The following FYB1 variants were observed in gnomAD, a reference collection of about 807,000 sequenced individuals.
The protein encoded by FYB1 is FYN-binding protein 1.
In FYB1, 41 loss-of-function variants were observed where a neutral mutation model predicts 94.1. The ratio of observed to expected loss-of-function variants is 0.44; its 90% CI spans 0.34 to 0.57. The LOEUF (loss-of-function observed/expected upper bound fraction) is 0.57, where lower values mean the gene tolerates loss of function less well. FYB1 is among the 20% of genes least tolerant of loss of function. The pLI is 0.02. For synonymous variants in FYB1, 367 were observed against 353.2 expected, an observed-to-expected ratio of 1.04 and a Z score of -0.44; for missense variants, 1,050 against 976.8, an observed-to-expected ratio of 1.07 and a Z score of -1.00.
rs184204866 is a variant in FYB1 at position 39,244,194 on chromosome 5, G to A, written c.-28+30209C>T. 7.7e-3 allele frequency among the ~76,000 whole-genome samples: 1,167 copies of A among 152,220 alleles called. 25 individuals are homozygous for A. Among genetic ancestry groups the A allele is most frequent in the African/African-American group, 0.027 (1,107 of 41,496 alleles). ...CAACACTATGTTGAATAGGACTGGTGAGAGAGGGCATCCCTGTCTTGTGCC... is the reference window on the plus strand; with the variant it reads ...CAACACTATGTTGAATAGGACTGGTAAGAGAGGGCATCCCTGTCTTGTGCC... On this transcript the variant is annotated intron_variant, in intron 1 of 1. Transcript: ENST00000510188.
At chr5:39,138,137 G>T (rs1026097259) in intron 6 of FYB1, 2 of 182,146 alleles carry the variant, frequency 1.1e-5, no homozygotes, top group Non-Finnish European at 2.3e-5. Context: ...GAAAATTAAG[G>T]TATCTGAGAT....
At chr5:39,110,265 G>T (rs573619383) in intron 17 of FYB1, 91 bp downstream of exon 17, 2 of 710,690 alleles carry the variant, frequency 2.8e-6, no homozygotes, top group South Asian at 4.2e-5. Flanking sequence ...AGTTGAGTAG[G>T]TTACATTATT....
chr5:39,121,965 A>G (rs1303391451), intron 14 of FYB1, among the ~76,000 whole-genome samples: 1 of 152,166 alleles, frequency 6.6e-6, no homozygotes, highest in Non-Finnish European at 1.5e-5. Flanking sequence ...AAGAGAGGAG[A>G]AGAATCAGTG....
At chr5:39,174,325 T>C (rs1157052856) in intron 2 of FYB1, among the ~76,000 whole-genome samples, 1 of 152,230 alleles carries the variant, frequency 6.6e-6, no homozygotes, top group Non-Finnish European at 1.5e-5. Flanking sequence ...ATATCACTTA[T>C]AGAACAAATG....
At position 39,212,294 on chromosome 5, in the gene FYB1, C is replaced by A. The variant is rs946074563; in HGVS notation, c.-28+7149G>T. On this transcript the variant is annotated intron_variant, in intron 1 of 18. Transcript: ENST00000512982. ...CTGTACTCTAGCCTGGGTGACAGAG[C>A]AAGACCTTGTCTCAAAAAAATAAAA... Among the ~76,000 whole-genome samples the A allele has an allele frequency of 7.9e-5, 12 of 151,756 alleles. No homozygotes were observed. The East Asian group carries it at 2.1e-3, about 27-fold the overall frequency.
intron 1 of FYB1, among the ~76,000 whole-genome samples, chr5:39,227,051 G>T (rs1750503340): frequency 6.6e-6 from 1 of 152,100 alleles, no homozygotes; most frequent in Non-Finnish European, 1.5e-5. Flanking sequence ...GCATAAATCT[G>T]GTCTTCAGAC....
chr5:39,139,548 G>A (rs1235753773), intron 4 of FYB1: 2 of 184,286 alleles, frequency 1.1e-5, no homozygotes, highest in Non-Finnish European at 2.2e-5. Flanking sequence ...TGTCCATTTG[G>A]TTTTCTGGGC....
chr5:39,213,013 GC>G (rs1749553098), intron 1 of FYB1: 1 of 123,384 alleles, frequency 8.1e-6, no homozygotes, highest in Non-Finnish European at 1.7e-5. Flanking sequence ...ACCTTTACAC[GC>G]CCCCTGCCAA....
Position 39,201,906 on chromosome 5 carries a change from G to A in FYB1, c.1055C>T (p.Thr352Ile), listed in dbSNP as rs773094266. 6 of 1,613,888 alleles carry A rather than the reference G, an allele frequency of 3.7e-6. No individual in the cohort carries two copies. In the African/African-American group the frequency reaches 5.3e-5, roughly 14 times the overall value. The change falls in exon 2 of 19, where the codon ACC becomes ATC. Residue 352 changes from threonine (T) to isoleucine (I), a missense_variant. By Grantham distance (89) the Thr-to-Ile change is moderately conservative. Coordinates refer to ENST00000512982, the MANE Select transcript of FYB1 (RefSeq NM_001465.6). ...GGGTTTTGGTGGAGGTGGACCCAAGGTAAACAAGGGAGGCAATGGCTTCTG... is the reference window on the plus strand; with the variant it reads ...GGGTTTTGGTGGAGGTGGACCCAAGATAAACAAGGGAGGCAATGGCTTCTG... ...PKQKPLPPLF[T>I]LGPPPPKPNR...
At chr5:39,173,260 G>A (rs777751183) in intron 2 of FYB1, among the ~76,000 whole-genome samples, 3 of 152,182 alleles carry the variant, frequency 2.0e-5, no homozygotes, top group African/African-American at 7.2e-5. Flanking sequence ...CTTTTAAGAA[G>A]TGTCTGTTCA....
At chr5:39,201,012 C>T (rs553034229) in intron 2 of FYB1, among the ~76,000 whole-genome samples, 5 of 152,218 alleles carry the variant, frequency 3.3e-5, no homozygotes, top group African/African-American at 9.6e-5. Flanking sequence ...ACTATTTACC[C>T]GAAAGGAGAG....
intron 2 of FYB1, among the ~76,000 whole-genome samples, chr5:39,164,109 C>T (rs901304575): frequency 6.6e-6 from 1 of 152,122 alleles, no homozygotes; most frequent in Non-Finnish European, 1.5e-5. Context: ...AATAGCACAT[C>T]CTCAGGGAGA....
In FYB1 at chr5:39,107,452, G is replaced by C. The variant is rs1431895202; in HGVS notation, c.2481C>G (p.Asp827Glu). The change falls in exon 19 of 19, where the codon GAC (aspartate) becomes GAG (glutamate). Residue 827 changes from aspartate to glutamate, a missense_variant. Transcript: ENST00000512982. ...TGACCAAAGTTGAGTGCTAGTCATTGTCATAGATGCAGCCTGAAAGGAAAA... is the reference window on the plus strand; with the variant it reads ...TGACCAAAGTTGAGTGCTAGTCATTCTCATAGATGCAGCCTGAAAGGAAAA... ...YDDIADGCIYDND is the reference protein window; with the variant it reads ...YDDIADGCIYEND 6.6e-7 allele frequency: 1 copy of C among 1,526,024 alleles called. No individual in the cohort carries two copies. The highest frequency in any genetic ancestry group is 8.8e-7 in the Non-Finnish European group (1 of 1,132,144). 94.5% of individuals were successfully genotyped at this position (1,526,024 alleles called of 1,614,324 possible).
At chr5:39,165,227 T>C (rs566128027) in intron 2 of FYB1, among the ~76,000 whole-genome samples, 1 of 152,326 alleles carries the variant, frequency 6.6e-6, no homozygotes, top group East Asian at 1.9e-4. Context: ...TCACATTACC[T>C]GTCTTCAAAT....
intron 2 of FYB1, among the ~76,000 whole-genome samples, chr5:39,163,905 G>C (rs1433097172): frequency 6.6e-6 from 1 of 152,172 alleles, no homozygotes; most frequent in African/African-American, 2.4e-5. Context: ...ACTTCTATAG[G>C]AGCAAAGAAA....
At chr5:39,260,695 C>T (rs1209922864) in intron 1 of FYB1, among the ~76,000 whole-genome samples, 1 of 152,104 alleles carries the variant, frequency 6.6e-6, no homozygotes, top group East Asian at 1.9e-4. Flanking sequence ...TTATAGTCAG[C>T]TCAACTATCA....
chr5:39,249,550 C>T (rs1279225671), intron 1 of FYB1, among the ~76,000 whole-genome samples: 1 of 151,982 alleles, frequency 6.6e-6, no homozygotes, highest in Admixed American at 6.6e-5. Flanking sequence ...ATTAGAAAGA[C>T]CATTCTAGTA....
chr5:39,234,469 T>C (rs1000406738), intron 1 of FYB1, among the ~76,000 whole-genome samples: 1 of 152,156 alleles, frequency 6.6e-6, no homozygotes, highest in African/African-American at 2.4e-5. Flanking sequence ...TACATAGTTG[T>C]GGAAAACAGT....
At chr5:39,132,416 T>A (rs886669051) in intron 9 of FYB1, among the ~76,000 whole-genome samples, 2 of 152,224 alleles carry the variant, frequency 1.3e-5, no homozygotes, top group Non-Finnish European at 2.9e-5. Context: ...TTTAATTTTC[T>A]TAGTAAGGGT....
Sources: gnomAD v4.1 joint callset for allele counts (sites outside exome capture counted in the v4.1 genomes callset) on GRCh38, gnomAD v4.1.1 for gene constraint, MANE v1.5 for transcripts, NCBI Gene and HGNC (gene_info 2026-07-23, HGNC 2026-07-21) for gene names.